The following TPCN1 variants were observed in gnomAD, a reference collection of about 807,000 sequenced individuals.
The protein encoded by TPCN1 is two pore segment channel 1.
In TPCN1, 52 loss-of-function variants were observed where a neutral mutation model predicts 108.8. The observed-to-expected ratio is 0.48, with a 90% confidence interval of 0.38 to 0.60. TPCN1 has a LOEUF of 0.60. Ranked by LOEUF, TPCN1 falls within the 20% of genes least tolerant of loss-of-function variation. The pLI is 0.00. For synonymous variants in TPCN1, 446 were observed against 433.7 expected, an observed-to-expected ratio of 1.03 and a Z score of -0.35; for missense variants, 806 against 1,072.8, an observed-to-expected ratio of 0.75 and a Z score of 3.47.
chr12:113,250,471 G>A (rs562980166), intron 2 of TPCN1, among the ~76,000 whole-genome samples: 1 of 152,194 alleles, frequency 6.6e-6, no homozygotes, highest in Non-Finnish European at 1.5e-5. Context: ...TTGAGGCCAC[G>A]TGGTGATGGG....
chr12:113,273,069 C>T lies in TPCN1; in HGVS notation c.784-163C>T, dbSNP rs1955558400. 6.6e-6 allele frequency among the ~76,000 whole-genome samples: 1 copy of T among 152,244 alleles called. No homozygotes were observed. The highest frequency in any genetic ancestry group is 1.5e-5 in the Non-Finnish European group (1 of 68,036). On this transcript the variant is annotated intron_variant, in intron 8 of 27. Transcript: ENST00000335509. This position sits in a 1 kb window ranked among gnomAD's most constrained non-coding sequence, Gnocchi z 4.0. ...GCATCAGGTGCAGGAAAGGGGAGGC[C>T]TCTGGACTGCATGTTTGCTCTTTCC...
intron 10 of TPCN1, among the ~76,000 whole-genome samples, chr12:113,274,906 A>G (rs550837211): frequency 6.6e-6 from 1 of 152,196 alleles, no homozygotes; most frequent in African/African-American, 2.4e-5. Context: ...TACCTCACTT[A>G]TCAGGAACCA....
At chr12:113,257,942 AAT>A (rs1954885236) in intron 2 of TPCN1, among the ~76,000 whole-genome samples, 1 of 152,146 alleles carries the variant, frequency 6.6e-6, no homozygotes, top group African/African-American at 2.4e-5. Context: ...ACATCATGTA[AAT>A]ATATATATTA....
intron 19 of TPCN1, among the ~76,000 whole-genome samples, 163 bp from the exon 20 acceptor site, chr12:113,288,000 C>G (rs551902760): frequency 7.3e-4 from 111 of 152,320 alleles, no homozygotes; most frequent in African/African-American, 2.6e-3. Flanking sequence ...TCACCTGAGC[C>G]CAGCTCAGGG....
In TPCN1 at chr12:113,289,073, C is replaced by T. The variant is rs538974723; in HGVS notation, c.1796+226C>T. ...CCCAGGCAGGGTTGGGAGCTGTCAG[C>T]TCACCCTCTGCCGAGGGCTGGAGGC... On this transcript the variant is annotated intron_variant, in intron 21 of 27. Transcript: ENST00000335509. This position sits in a 1 kb window ranked among gnomAD's most constrained non-coding sequence, Gnocchi z 4.1. 5.9e-5 allele frequency among the ~76,000 whole-genome samples: 9 copies of T among 152,252 alleles called. No individual in the cohort carries two copies. Among genetic ancestry groups the T allele is most frequent in the Non-Finnish European group, 1.2e-4 (8 of 68,044 alleles).
rs376666102 is a variant in TPCN1, at chr12:113,278,784, A to C, written c.1246A>C (p.Arg416=). The change falls in exon 14 of 28, where the codon AGA becomes CGA. Residue 416 remains arginine (R), a synonymous_variant. Coordinates refer to ENST00000335509, the MANE Select transcript of TPCN1 (RefSeq NM_017901.6). ...TGTTGTCTACCAGGCCAAGAAAAAC[A>C]GAGAGCACTGGTTTGATGAGCTTCC... The part of the protein sequence containing the change: ...AALKWKAKKN[R]EHWFDELPRT... 19 of 1,613,918 alleles carry C rather than the reference A, an allele frequency of 1.2e-5. No individual in the cohort carries two copies. The highest frequency in any genetic ancestry group is 1.5e-5 in the Non-Finnish European group (18 of 1,179,942).
Position 113,260,416 on chromosome 12 carries a change from C to T in TPCN1, c.161C>T (p.Ser54Phe), listed in dbSNP as rs533786410. The T allele has an allele frequency of 1.9e-6, 3 of 1,547,604 alleles. No individual in the cohort carries two copies. The African/African-American group carries it at 4.3e-5, about 22-fold the overall frequency. Residue 54 changes from serine to phenylalanine, a missense_variant, in exon 3 of 28, where the codon TCT (serine) becomes TTT (phenylalanine). By Grantham distance (155) the Ser-to-Phe change is radical. Transcript: ENST00000335509. The part of the protein sequence containing the change: ...IHDSQAPSLS[S>F]GGESSPSSPA... Reference sequence around the variant, plus strand: ...GACTCCCAGGCCCCCAGTCTCAGCTCTGGGGGTGAGAGTTCCCCCTCCAGC... The same window carrying T: ...GACTCCCAGGCCCCCAGTCTCAGCTTTGGGGGTGAGAGTTCCCCCTCCAGC...
intron 2 of TPCN1, among the ~76,000 whole-genome samples, chr12:113,257,890 CA>C (rs963425675): frequency 1.4e-5 from 2 of 147,866 alleles, no homozygotes; most frequent in African/African-American, 2.5e-5. Context: ...AGAATCCAAG[CA>C]AAAAAAAAGA....
In TPCN1 at chr12:113,260,487, C is replaced by G. The variant is rs772859803; in HGVS notation, c.232C>G (p.Leu78Val). The change falls in exon 3 of 28, where the codon CTC becomes GTC. Residue 78 changes from leucine (L) to valine (V), a missense_variant. By Grantham distance (32) the Leu-to-Val change is conservative (BLOSUM62 1). Coordinates refer to ENST00000335509, the MANE Select transcript of TPCN1 (RefSeq NM_017901.6). ...GAATTACCAAGAGGCAGCAATCTAC[C>G]TCCAGGTGAGTATCTCCAGTCAGGC... ...EMNYQEAAIY[L>V]QEGENNDKFF... 2.1e-5 allele frequency: 33 copies of G among 1,571,484 alleles called. No homozygotes were observed. The highest frequency in any genetic ancestry group is 2.8e-5 in the Non-Finnish European group (33 of 1,162,046).
At chr12:113,237,388 G>A (rs1953937260) in intron 2 of TPCN1, among the ~76,000 whole-genome samples, 2 of 150,866 alleles carry the variant, frequency 1.3e-5, no homozygotes, top group South Asian at 4.2e-4. Context: ...TTAGAGTCTT[G>A]CTCTGTTGCC....
chr12:113,258,384 T>G (rs898981979), intron 2 of TPCN1, among the ~76,000 whole-genome samples: 1 of 152,152 alleles, frequency 6.6e-6, no homozygotes, highest in African/African-American at 2.4e-5. Flanking sequence ...GAGAATCACT[T>G]GAACCTCGGA....
At chr12:113,260,882 A>AC (rs1955005047) in intron 3 of TPCN1, among the ~76,000 whole-genome samples, 1 of 146,584 alleles carries the variant, frequency 6.8e-6, no homozygotes, top group South Asian at 2.1e-4. Flanking sequence ...TATTTTAGGA[A>AC]TTTTTTTTTT....
intron 12 of TPCN1, among the ~76,000 whole-genome samples, chr12:113,277,631 C>T (rs986689041): frequency 8.5e-5 from 13 of 152,168 alleles, no homozygotes; most frequent in African/African-American, 2.7e-4. Flanking sequence ...GGCCCTCGAA[C>T]CCCCAGTGGG....
At chr12:113,228,074 A>G (rs996660141) in intron 2 of TPCN1, among the ~76,000 whole-genome samples, 1 of 152,198 alleles carries the variant, frequency 6.6e-6, no homozygotes, top group Non-Finnish European at 1.5e-5. Flanking sequence ...ATTTCAGACT[A>G]TCTGTTTTCT....
intron 27 of TPCN1, 37 bp from the exon 28 acceptor site, chr12:113,295,923 G>A (rs760593063): frequency 3.2e-6 from 5 of 1,540,962 alleles, no homozygotes; most frequent in Non-Finnish European, 4.4e-6. Context: ...AGGGGGTGGG[G>A]TGCAGCCCTC....
At chr12:113,267,756 C>A in intron 4 of TPCN1, 87 bp from the exon 5 acceptor site, 2 of 847,402 alleles carry the variant, frequency 2.4e-6, no homozygotes, top group Non-Finnish European at 2.0e-6. Flanking sequence ...TGTCCTGGGG[C>A]ACTCCCAGGT....
Position 113,288,108 on chromosome 12 carries a change from C to A in TPCN1, c.1635-55C>A. On this transcript the variant is annotated intron_variant, in intron 19 of 27. Coordinates refer to ENST00000335509, the MANE Select transcript of TPCN1 (RefSeq NM_017901.6). The surrounding 1 kb of genome is among the most constrained non-coding windows in gnomAD (Gnocchi z 4.8). ...AGGCGGGGCCGGCATGTTCTGAGGG[C>A]GGGGGCTGAGGCGTGCACCTGTGTG... 6.5e-7 allele frequency: 1 copy of A among 1,530,040 alleles called. No homozygotes were observed. The highest frequency in any genetic ancestry group is 9.0e-7 in the Non-Finnish European group (1 of 1,117,254). 94.8% of individuals were successfully genotyped at this position (1,530,040 alleles called of 1,614,324 possible).
At chr12:113,294,732 G>T (rs1353044123) in intron 27 of TPCN1, among the ~76,000 whole-genome samples, 1 of 152,118 alleles carries the variant, frequency 6.6e-6, no homozygotes, top group Non-Finnish European at 1.5e-5. Context: ...GCACCGTGTG[G>T]GCTGGCATTT....
Position 113,277,293 on chromosome 12 carries a change from G to A in TPCN1, c.1113G>A (p.Lys371=). ...RQFEGLMRFY[K]PRMSARERYL... ...TTGAAGGCCTCATGCGCTTCTACAA[G>A]CCCCGGATGAGTGCCAGGGAGCGCT... is the stretch of plus-strand genomic sequence containing the variant. The change falls in exon 12 of 28, where the codon AAG becomes AAA. Residue 371 remains lysine (K), a synonymous_variant. Transcript: ENST00000335509. The A allele has an allele frequency of 1.2e-6, 2 of 1,614,170 alleles. No individual in the cohort carries two copies. Among genetic ancestry groups the A allele is most frequent in the South Asian group, 1.1e-5 (1 of 91,084 alleles).
Sources: allele counts gnomAD v4.1 joint callset (sites outside exome capture counted in the v4.1 genomes callset), GRCh38; gene constraint gnomAD v4.1.1; non-coding constraint Gnocchi (gnomAD v3.1); transcripts MANE v1.5; gene names NCBI Gene and HGNC (gene_info 2026-07-23, HGNC 2026-07-21).